The following RSF1 variants were observed in gnomAD, a reference collection of about 807,000 sequenced individuals.
RSF1 encodes HBV pX-associated protein 8.
A neutral mutation model predicts 145.2 loss-of-function variants in RSF1; 13 were observed. The ratio of observed to expected loss-of-function variants is 0.09; its 90% CI spans 0.06 to 0.14. RSF1 has a LOEUF of 0.14. Ranked by LOEUF, RSF1 falls within the 10% of genes least tolerant of loss-of-function variation. The pLI is 1.00. For missense variants in RSF1, 1,517 were observed against 1,718.2 expected (o/e 0.88, Z 2.07); for synonymous variants, 577 against 592.6 (o/e 0.97, Z 0.38).
Position 77,664,945 on chromosome 11 carries a change from G to A in RSF1, c.*1972C>T, listed in dbSNP as rs1959324637. The stretch of plus-strand genomic sequence containing the variant: ...ACTTACTTGGAACCACATGCTATTG[G>A]TGCATCCTATTTTTAGGTTGCTTTC... On this transcript the variant is annotated 3_prime_UTR_variant, in exon 16 of 16. Transcript: ENST00000308488. 6.6e-6 allele frequency: 1 copy of A among 152,076 alleles called. No homozygotes were observed. Among genetic ancestry groups the A allele is most frequent in the Admixed American group, 6.6e-5 (1 of 15,260 alleles). The allele number at this position is 152,076 out of a possible 1,614,324, so 9.4% of individuals were successfully genotyped here. A position where few individuals can be genotyped will look rare whatever the true frequency, so the allele number is the denominator to read the frequency against.
At chr11:77,797,123 T>C (rs575178735) in intron 1 of RSF1, among the ~76,000 whole-genome samples, 2 of 152,240 alleles carry the variant, frequency 1.3e-5, no homozygotes, top group Non-Finnish European at 2.9e-5. Flanking sequence ...CCCATCAAGC[T>C]ACCGCTGACT....
chr11:77,829,470 T>C, the RSF1 span, among the ~76,000 whole-genome samples: 2 of 152,150 alleles, frequency 1.3e-5, no homozygotes, highest in Non-Finnish European at 2.9e-5. Flanking sequence ...CTAGAGTAAA[T>C]TGATTTAAAA....
At chr11:77,775,917 C>T (rs976833620) in intron 1 of RSF1, among the ~76,000 whole-genome samples, 1 of 152,202 alleles carries the variant, frequency 6.6e-6, no homozygotes, top group African/African-American at 2.4e-5. Context: ...GGACCACAGG[C>T]ATGTCCCACC....
chr11:77,860,032 C>A, the RSF1 span, among the ~76,000 whole-genome samples: 9 of 152,280 alleles, frequency 5.9e-5, no homozygotes, highest in African/African-American at 1.9e-4. Context: ...TGAGGCCAAC[C>A]CTTTGCCACT....
intron 1 of RSF1, among the ~76,000 whole-genome samples, chr11:77,782,684 A>G (rs977269103): frequency 6.6e-6 from 1 of 152,242 alleles, no homozygotes; most frequent in Non-Finnish European, 1.5e-5. Flanking sequence ...CAAAGAAAAC[A>G]TAATATTTTG....
chr11:77,748,803 C>T (rs1025283698), intron 2 of RSF1, among the ~76,000 whole-genome samples: 2 of 152,176 alleles, frequency 1.3e-5, no homozygotes, highest in Admixed American at 6.5e-5. Flanking sequence ...TTAGCCATTA[C>T]ACTCCTAAGT....
intron 4 of RSF1, among the ~76,000 whole-genome samples, chr11:77,737,665 T>C (rs1961398152): frequency 6.7e-6 from 1 of 150,046 alleles, no homozygotes; most frequent in Admixed American, 6.7e-5. Context: ...TGTGTGTGTG[T>C]GTTTAAAAAG....
intron 4 of RSF1, among the ~76,000 whole-genome samples, chr11:77,731,110 G>C (rs1414762343): frequency 6.6e-6 from 1 of 152,158 alleles, no homozygotes; most frequent in East Asian, 1.9e-4. Flanking sequence ...CTTGTTGAAT[G>C]GTTTTGACAA....
intron 1 of RSF1, among the ~76,000 whole-genome samples, chr11:77,778,562 T>A (rs12364072): frequency 1.3e-5 from 2 of 151,976 alleles, no homozygotes; most frequent in East Asian, 1.9e-4. Flanking sequence ...AAAAAAGTTC[T>A]TGGCAAACTC....
the RSF1 span, among the ~76,000 whole-genome samples, chr11:77,849,730 T>C: frequency 3.9e-5 from 6 of 152,328 alleles, no homozygotes; most frequent in East Asian, 1.2e-3. Flanking sequence ...CTATTCCATA[T>C]CAAATTCTTT....
the RSF1 span, chr11:77,842,338 C>A: frequency 1.3e-6 from 1 of 759,474 alleles, no homozygotes; most frequent in Non-Finnish European, 2.0e-6. Context: ...ACTTTTTAGA[C>A]CTCTAAAGAA....
intron 1 of RSF1, among the ~76,000 whole-genome samples, chr11:77,781,518 G>T (rs1362028429): frequency 3.3e-5 from 5 of 152,214 alleles, no homozygotes; most frequent in African/African-American, 1.2e-4. Context: ...TTGTGTGGTA[G>T]AGACAGGTTT....
At chr11:77,695,592 T>G (rs1027825064) in intron 7 of RSF1, among the ~76,000 whole-genome samples, 3 of 152,094 alleles carry the variant, frequency 2.0e-5, no homozygotes, top group Non-Finnish European at 4.4e-5. Context: ...ATTTTTTTTT[T>G]AAGTACTTCC....
Position 77,661,886 on chromosome 11 carries a change from A to C in RSF1, c.*5031T>G, listed in dbSNP as rs1432827552. On this transcript the variant is annotated 3_prime_UTR_variant, in exon 16 of 16. Coordinates refer to ENST00000308488, the MANE Select transcript of RSF1 (RefSeq NM_016578.4). ...ATGACGTGCAAGCTGCTGGTCTATGACCAGAACTCAATAAATACAGATCAA... is the reference window on the plus strand; with the variant it reads ...ATGACGTGCAAGCTGCTGGTCTATGCCCAGAACTCAATAAATACAGATCAA... 3 of 151,920 alleles carry C rather than the reference A, an allele frequency of 2.0e-5. No homozygotes were observed. The highest frequency in any genetic ancestry group is 7.3e-5 in the African/African-American group (3 of 41,364). 9.4% of individuals were successfully genotyped at this position (151,920 alleles called of 1,614,324 possible). A position where few individuals can be genotyped will look rare whatever the true frequency, so the allele number is the denominator to read the frequency against.
intron 1 of RSF1, among the ~76,000 whole-genome samples, chr11:77,793,742 C>A (rs964442954): frequency 7.2e-5 from 11 of 152,190 alleles, no homozygotes; most frequent in African/African-American, 2.2e-4. Flanking sequence ...ACCTCCCTCA[C>A]TGGCTCCATG....
Position 77,701,528 on chromosome 11 carries a change from T to C in RSF1, c.1701A>G (p.Glu567=), listed in dbSNP as rs1173147823. The stretch of plus-strand genomic sequence containing the variant: ...CCTTCTTAGTTTTGGGAGACTTCTC[T>C]TCACCTTTCATGGTACACGACTCGG... ...SSTESCTMKG[E]EKSPKTKKDK... is the part of the protein sequence containing the mutation. Residue 567 remains glutamate (E), a synonymous_variant, in exon 6 of 16, where the codon GAA becomes GAG. Coordinates refer to ENST00000308488, the MANE Select transcript of RSF1 (RefSeq NM_016578.4). The C allele has an allele frequency of 3.1e-6, 5 of 1,614,018 alleles. No homozygotes were observed. Among genetic ancestry groups the C allele is most frequent in the Non-Finnish European group, 4.2e-6 (5 of 1,179,980 alleles).
intron 1 of RSF1, among the ~76,000 whole-genome samples, chr11:77,771,934 T>A (rs535105447): frequency 1.8e-4 from 28 of 152,220 alleles, no homozygotes; most frequent in African/African-American, 5.8e-4. Flanking sequence ...GAAGGAAAAT[T>A]GCAAAAATTT....
rs71046904 is a variant in RSF1, at chr11:77,692,233, A to ATTTTTTTTTTTTTTTTTTT, written c.2821-1014_2821-996dup. Among the ~76,000 whole-genome samples the ATTTTTTTTTTTTTTTTTTT allele has an allele frequency of 3.8e-4, 19 of 49,476 alleles. 1 individual carries two copies. The highest frequency in any genetic ancestry group is 6.2e-4 in the South Asian group (1 of 1,604). 32.5% of individuals were successfully genotyped at this position (49,476 alleles called of 152,430 possible). ...AAAAAATAATTATTACTACTTTTAA[A>ATTTTTTTTTTTTTTTTTTT]TTTTTTTTTTTTTTTTTTTTTTTTT... is the stretch of plus-strand genomic sequence containing the variant. On this transcript the variant is annotated intron_variant, in intron 8 of 15. Coordinates refer to ENST00000308488, the MANE Select transcript of RSF1 (RefSeq NM_016578.4).
chr11:77,675,618 C>T lies in RSF1; in HGVS notation c.3342-362G>A, dbSNP rs17135799. 3.4e-3 allele frequency among the ~76,000 whole-genome samples: 520 copies of T among 152,274 alleles called. 3 individuals are homozygous for T. Among genetic ancestry groups the T allele is most frequent in the African/African-American group, 0.012 (493 of 41,552 alleles). On this transcript the variant is annotated intron_variant, in intron 13 of 15. Transcript: ENST00000308488. ...CTCATCCGGTAACTCCAACCAGAAA[C>T]GTGGTATTTATCCTAACTTTCCCCT... is the stretch of plus-strand genomic sequence containing the variant.
Sources: gnomAD v4.1 joint callset for allele counts (sites outside exome capture counted in the v4.1 genomes callset) on GRCh38, gnomAD v4.1.1 for gene constraint, MANE v1.5 for transcripts, NCBI Gene and HGNC (gene_info 2026-07-23, HGNC 2026-07-21) for gene names.